Variants in NETO1 observed in about 807,000 individuals in gnomAD.
NETO1 encodes the protein neuropilin and tolloid-like protein 1.
NETO1 carries 26 observed loss-of-function variants against 61.3 expected under a neutral mutation model. The observed-to-expected ratio is 0.42, with a 90% CI of 0.31 to 0.59. The LOEUF (loss-of-function observed/expected upper bound fraction) is 0.59. Among genes scored for constraint, NETO1 ranks in the 20% least tolerant of loss-of-function variants. The pLI is 0.12. For missense variants in NETO1, 531 were observed against 662.8 expected, an observed-to-expected ratio of 0.80 and a Z score of 2.18; for synonymous variants, 225 against 225.8, an observed-to-expected ratio of 1.00 and a Z score of 0.03.
At position 72,794,111 on chromosome 18, in the gene NETO1, A is replaced by T; in HGVS notation, c.639+6T>A. The T allele has an allele frequency of 1.2e-6, 2 of 1,614,140 alleles. No individual in the cohort carries two copies. Among genetic ancestry groups the T allele is most frequent in the Non-Finnish European group, 1.7e-6 (2 of 1,180,026 alleles). ...TGTCAAGTGTGGGTTTCATCTTAAG[A>T]CTGACCTTGGACCGTGGAGGTGCTC... On this transcript the variant is annotated splice_donor_region_variant and intron_variant, in intron 6 of 10. Transcript: ENST00000327305.
Position 72,750,438 on chromosome 18 carries a change from C to CA in NETO1, c.1164dup (p.Glu389Ter). On this transcript the variant is annotated frameshift_variant, in exon 9 of 11. Transcript: ENST00000327305. LOFTEE classifies it high-confidence loss of function. ...GTGCATAACTCATAATGAGGAGGTT[C>CA]AAATACCTCCTGGAAAACTGTCTGG... is the stretch of plus-strand genomic sequence containing the variant. The CA allele has an allele frequency of 6.2e-7, 1 of 1,614,070 alleles. No individual in the cohort carries two copies. Among genetic ancestry groups the CA allele is most frequent in the Non-Finnish European group, 8.5e-7 (1 of 1,179,994 alleles).
chr18:72,815,869 G>C (rs974273603), intron 4 of NETO1, among the ~76,000 whole-genome samples: 1 of 152,052 alleles, frequency 6.6e-6, no homozygotes, highest in Admixed American at 6.6e-5. Context: ...AGAAAGTCTG[G>C]CAATACTCCT....
intron 4 of NETO1, among the ~76,000 whole-genome samples, chr18:72,844,312 T>A (rs745334122): frequency 2.0e-5 from 3 of 152,234 alleles, no homozygotes; most frequent in Non-Finnish European, 4.4e-5. Flanking sequence ...GCATCATTTT[T>A]AATTGTATTT....
chr18:72,751,672 A>G (rs1040623431), intron 8 of NETO1, among the ~76,000 whole-genome samples: 2 of 152,178 alleles, frequency 1.3e-5, no homozygotes, highest in Admixed American at 6.5e-5. Context: ...TTGCTGACAC[A>G]GGAGAGCTGC....
rs2073549829 is a variant in NETO1, at chr18:72,830,766, T to C, written c.469+28060A>G. Among the ~76,000 whole-genome samples the C allele has an allele frequency of 6.6e-6, 1 of 152,166 alleles. No homozygotes were observed. The highest frequency in any genetic ancestry group is 2.1e-4 in the South Asian group (1 of 4,826). ...ACTGCATTTTCCCTCAAATTCACCA[T>C]CTCCTCTTTCTTAATCCTTCCATCA... On this transcript the variant is annotated intron_variant, in intron 4 of 10. Coordinates refer to ENST00000327305, the MANE Select transcript of NETO1 (RefSeq NM_138966.5). This position sits in a 1 kb window ranked among gnomAD's most constrained non-coding sequence, Gnocchi z 4.9.
At chr18:72,826,229 A>G (rs2073368650) in intron 4 of NETO1, among the ~76,000 whole-genome samples, 1 of 152,118 alleles carries the variant, frequency 6.6e-6, no homozygotes, top group South Asian at 2.1e-4. Context: ...TCTTATCACC[A>G]TTACGCAGTT....
At chr18:72,840,903 C>A (rs1307049380) in intron 4 of NETO1, among the ~76,000 whole-genome samples, 2 of 152,134 alleles carry the variant, frequency 1.3e-5, no homozygotes, top group African/African-American at 4.8e-5. Context: ...AAATGTAAGG[C>A]TGTTAACTAC....
chr18:72,800,642 ACCATCCC>A lies in NETO1; in HGVS notation c.470-6245_470-6239del, dbSNP rs548721120. On this transcript the variant is annotated intron_variant, in intron 4 of 10. Transcript: ENST00000327305. Reference sequence around the variant, plus strand: ...TGTAATGCACTTGAATCATCTGGAAACCATCCCCCACCCCAGCACATGGAAAAATTGT... The same window carrying A: ...TGTAATGCACTTGAATCATCTGGAAACCACCCCAGCACATGGAAAAATTGT... Among the ~76,000 whole-genome samples the A allele has an allele frequency of 1.7e-3, 265 of 152,310 alleles. 1 individual carries two copies. The highest frequency in any genetic ancestry group is 6.3e-3 in the African/African-American group (261 of 41,572).
At chr18:72,800,000 T>C (rs2072453665) in intron 4 of NETO1, among the ~76,000 whole-genome samples, 2 of 152,212 alleles carry the variant, frequency 1.3e-5, no homozygotes, top group Admixed American at 6.5e-5. Flanking sequence ...AAACTGGAAT[T>C]ATGGGAGTGA....
At chr18:72,752,551 G>C (rs1028094795) in intron 8 of NETO1, among the ~76,000 whole-genome samples, 4 of 152,030 alleles carry the variant, frequency 2.6e-5, no homozygotes. Context: ...GAAGGAGTTA[G>C]TATTCAGAGA....
chr18:72,763,996 C>T (rs2071069251), intron 7 of NETO1, among the ~76,000 whole-genome samples: 1 of 152,000 alleles, frequency 6.6e-6, no homozygotes, highest in South Asian at 2.1e-4. Flanking sequence ...GGGGGAAACC[C>T]CTTATAAAAC....
At chr18:72,810,724 T>A (rs1379109517) in intron 4 of NETO1, among the ~76,000 whole-genome samples, 3 of 152,166 alleles carry the variant, frequency 2.0e-5, no homozygotes, top group African/African-American at 7.2e-5. Flanking sequence ...CCTCGCTCGT[T>A]TTTCTGTCAT....
intron 7 of NETO1, among the ~76,000 whole-genome samples, chr18:72,770,715 A>G (rs368967827): frequency 6.6e-6 from 1 of 152,178 alleles, no homozygotes; most frequent in Non-Finnish European, 1.5e-5. Flanking sequence ...TCTCCAGTAC[A>G]TAACATTTTC....
intron 4 of NETO1, among the ~76,000 whole-genome samples, chr18:72,833,576 C>G (rs2073648144): frequency 6.6e-6 from 1 of 152,072 alleles, no homozygotes; most frequent in Admixed American, 6.6e-5. Flanking sequence ...TCACTAACTC[C>G]CTGTTGCTCA....
At chr18:72,748,710 A>G (rs1338718201) in intron 10 of NETO1, among the ~76,000 whole-genome samples, 1 of 151,996 alleles carries the variant, frequency 6.6e-6, no homozygotes, top group Non-Finnish European at 1.5e-5. Context: ...TTCTTTGGAG[A>G]TAGTTCATTA....
intron 7 of NETO1, among the ~76,000 whole-genome samples, chr18:72,759,119 C>G (rs565230674): frequency 2.0e-5 from 3 of 152,124 alleles, no homozygotes; most frequent in Non-Finnish European, 4.4e-5. Context: ...TGCGTGCACT[C>G]GGTGCACCAA....
At chr18:72,772,153 G>A (rs946129051) in intron 7 of NETO1, among the ~76,000 whole-genome samples, 16 of 148,944 alleles carry the variant, frequency 1.1e-4, no homozygotes, top group Admixed American at 3.4e-4. Context: ...TCCCCACCAC[G>A]TAGTTCTCTG....
intron 4 of NETO1, among the ~76,000 whole-genome samples, chr18:72,854,969 A>G (rs1219558516): frequency 1.3e-5 from 2 of 152,182 alleles, no homozygotes; most frequent in East Asian, 3.8e-4. Context: ...TTATCACAAC[A>G]TATTTTCTAG....
intron 7 of NETO1, among the ~76,000 whole-genome samples, chr18:72,777,446 A>C (rs2071589987): frequency 6.7e-6 from 1 of 149,992 alleles, no homozygotes; most frequent in Non-Finnish European, 1.5e-5. Context: ...CAACAACAAA[A>C]AAAAAACAAA....
Sources: allele counts gnomAD v4.1 joint callset (sites outside exome capture counted in the v4.1 genomes callset), GRCh38; gene constraint gnomAD v4.1.1; non-coding constraint Gnocchi (gnomAD v3.1); transcripts MANE v1.5; gene names NCBI Gene and HGNC (gene_info 2026-07-23, HGNC 2026-07-21).